The following ADAM23 variants were observed in gnomAD, a reference collection of about 807,000 sequenced individuals.
ADAM23 encodes the protein disintegrin and metalloproteinase domain-containing protein 23.
A neutral mutation model predicts 120.1 loss-of-function variants in ADAM23; 33 were observed. That is an observed-to-expected ratio of 0.27 (90% CI 0.21 to 0.37). The LOEUF (loss-of-function observed/expected upper bound fraction) is 0.37, where lower values mean the gene tolerates loss of function less well. ADAM23 is among the 10% of genes least tolerant of loss of function. The pLI, the probability that ADAM23 is intolerant of heterozygous loss-of-function variation, is 1.00. For synonymous variants in ADAM23, 367 were observed against 375.2 expected, an observed-to-expected ratio of 0.98 and a Z score of 0.25; for missense variants, 862 against 1,058.2, an observed-to-expected ratio of 0.81 and a Z score of 2.57.
At chr2:206,471,367 A>T (rs1695657189) in intron 2 of ADAM23, among the ~76,000 whole-genome samples, 1 of 152,132 alleles carries the variant, frequency 6.6e-6, no homozygotes. Context: ...ATTGCCTTGG[A>T]TTGATATTTG....
intron 11 of ADAM23, 53 bp downstream of exon 11, chr2:206,560,171 AT>A: frequency 6.5e-7 from 1 of 1,531,124 alleles, no homozygotes; most frequent in Non-Finnish European, 8.8e-7. Context: ...ATTTATCCTT[AT>A]CCCTTTTTTG....
At chr2:206,534,950 C>T (rs930917463) in intron 4 of ADAM23, among the ~76,000 whole-genome samples, 1 of 151,276 alleles carries the variant, frequency 6.6e-6, no homozygotes, top group African/African-American at 2.4e-5. Context: ...CAGTTCCTCC[C>T]TCCCTTTTTT....
intron 3 of ADAM23, among the ~76,000 whole-genome samples, chr2:206,509,267 C>T (rs1696570917): frequency 6.6e-6 from 1 of 151,950 alleles, no homozygotes; most frequent in East Asian, 1.9e-4. Context: ...TCAGAAGTAA[C>T]CATTATTAAT....
At chr2:206,477,899 T>TATATATATATATATAC (rs1695813297) in intron 2 of ADAM23, among the ~76,000 whole-genome samples, 13 of 106,308 alleles carry the variant, frequency 1.2e-4, no homozygotes, top group Admixed American at 5.7e-4. Context: ...AAAAAAAAAA[T>TATATATATATATATAC]ATATATATAT....
In ADAM23 at chr2:206,589,443, G is replaced by A. The variant is rs939645729; in HGVS notation, c.1887G>A (p.Lys629=). 2.5e-6 allele frequency: 4 copies of A among 1,613,876 alleles called. No individual in the cohort carries two copies. Among genetic ancestry groups the A allele is most frequent in the Middle Eastern group, 1.6e-4 (1 of 6,062 alleles). The change falls in exon 21 of 26, where the codon AAG becomes AAA. Residue 629 remains lysine (K), a synonymous_variant. Transcript: ENST00000264377. ...GGTCTGACAAGTTCTGCTATGAAAA[G>A]CTGAATACAGAAGGCACTGAGAAGG... is the stretch of plus-strand genomic sequence containing the variant. The part of the protein sequence containing the change: ...AAGSDKFCYE[K]LNTEGTEKGN...
At chr2:206,516,700 A>T (rs1696739174) in intron 3 of ADAM23, among the ~76,000 whole-genome samples, 1 of 152,144 alleles carries the variant, frequency 6.6e-6, no homozygotes, top group African/African-American at 2.4e-5. Flanking sequence ...ATTGGGGGTT[A>T]GGGCCTCAAT....
At chr2:206,575,876 A>G (rs981815105) in intron 18 of ADAM23, among the ~76,000 whole-genome samples, 1 of 152,152 alleles carries the variant, frequency 6.6e-6, no homozygotes, top group Non-Finnish European at 1.5e-5. Context: ...CCACCTCCCA[A>G]TGATGGAAGT....
At chr2:206,474,551 G>A (rs914046660) in intron 2 of ADAM23, among the ~76,000 whole-genome samples, 3 of 151,744 alleles carry the variant, frequency 2.0e-5, no homozygotes, top group South Asian at 2.1e-4. Flanking sequence ...TTTCACTGTG[G>A]CTGAGCTACA....
In ADAM23 at chr2:206,490,062, A is replaced by T. The variant is rs528377410; in HGVS notation, c.509+8754A>T. ...AGTCTTTAAAAAGGTAATTAAGTTA[A>T]AATGAAATCTTTTGGGTGGCCCTTA... On this transcript the variant is annotated intron_variant, in intron 3 of 25. Coordinates refer to ENST00000264377, the MANE Select transcript of ADAM23 (RefSeq NM_003812.4). Among the ~76,000 whole-genome samples the T allele has an allele frequency of 2.6e-5, 4 of 152,214 alleles. 1 individual carries two copies. In the South Asian group the frequency reaches 6.2e-4, roughly 24 times the overall value.
intron 19 of ADAM23, among the ~76,000 whole-genome samples, chr2:206,587,612 TG>T (rs1248044398): frequency 2.0e-5 from 3 of 151,870 alleles, no homozygotes; most frequent in Middle Eastern, 3.4e-3. Flanking sequence ...GCTGAAGAAC[TG>T]GGAGTCTCAT....
chr2:206,533,655 C>T (rs1308376001), intron 4 of ADAM23, among the ~76,000 whole-genome samples: 1 of 152,202 alleles, frequency 6.6e-6, no homozygotes, highest in Non-Finnish European at 1.5e-5. Flanking sequence ...GAATTAGTTG[C>T]AACCATACTT....
chr2:206,557,675 G>T (rs1697673884), intron 10 of ADAM23, among the ~76,000 whole-genome samples, 177 bp downstream of exon 10: 1 of 152,190 alleles, frequency 6.6e-6, no homozygotes, highest in Non-Finnish European at 1.5e-5. Flanking sequence ...AGTTTCAGAT[G>T]ACTGAGTTAT....
chr2:206,467,038 G>A (rs922288436), intron 2 of ADAM23, among the ~76,000 whole-genome samples: 1 of 152,166 alleles, frequency 6.6e-6, no homozygotes, highest in African/African-American at 2.4e-5. Context: ...TTAAACCATG[G>A]AAAACCGCTT....
chr2:206,603,007 A>G (rs1184049158), intron 24 of ADAM23, among the ~76,000 whole-genome samples: 1 of 152,200 alleles, frequency 6.6e-6, no homozygotes, highest in Non-Finnish European at 1.5e-5. Context: ...TCCTAATAAA[A>G]GGATTGTGTT....
chr2:206,477,889 A>ATAT (rs371133867), intron 2 of ADAM23, among the ~76,000 whole-genome samples: 585 of 54,400 alleles, frequency 0.011, 3 homozygotes, highest in Non-Finnish European at 0.017. Context: ...TTAAAAAAAA[A>ATAT]AAAAAAAAAT....
chr2:206,603,423 C>T (rs1163381651), intron 24 of ADAM23, among the ~76,000 whole-genome samples: 1 of 152,150 alleles, frequency 6.6e-6, no homozygotes, highest in African/African-American at 2.4e-5. Flanking sequence ...TAAGAGACAA[C>T]CATGTTCAGT....
intron 3 of ADAM23, among the ~76,000 whole-genome samples, chr2:206,525,781 G>C (rs1275736649): frequency 2.0e-5 from 3 of 152,010 alleles, no homozygotes. Flanking sequence ...TAGTACAGAT[G>C]GGGTTTCAGC....
chr2:206,483,850 T>G (rs183848404), intron 3 of ADAM23, among the ~76,000 whole-genome samples: 1 of 150,994 alleles, frequency 6.6e-6, no homozygotes, highest in East Asian at 2.0e-4. Flanking sequence ...AGGCTGGGAG[T>G]GAATGAGAGG....
chr2:206,588,567 A>G (rs1389429099), intron 20 of ADAM23, among the ~76,000 whole-genome samples: 1 of 152,100 alleles, frequency 6.6e-6, no homozygotes, highest in African/African-American at 2.4e-5. Context: ...TATTTTTTAA[A>G]TTTTGTCATT....
Sources: gnomAD v4.1 joint callset for allele counts (sites outside exome capture counted in the v4.1 genomes callset) on GRCh38, gnomAD v4.1.1 for gene constraint, MANE v1.5 for transcripts, NCBI Gene and HGNC (gene_info 2026-07-23, HGNC 2026-07-21) for gene names.